The following PIEZO2 variants were observed in gnomAD, a reference collection of about 807,000 sequenced individuals.
PIEZO2 encodes the protein piezo type mechanosensitive ion channel component 2.
A neutral mutation model predicts 337.3 loss-of-function variants in PIEZO2; 172 were observed. The observed-to-expected ratio is 0.51, with a 90% CI of 0.45 to 0.58. The LOEUF (loss-of-function observed/expected upper bound fraction) is 0.58. Among genes scored for constraint, PIEZO2 ranks in the 20% least tolerant of loss-of-function variants. The pLI, the probability that PIEZO2 is intolerant of heterozygous loss-of-function variation, is 0.00. For synonymous variants in PIEZO2, 1,251 were observed against 1,228.5 expected (o/e 1.02, Z -0.38); for missense variants, 3,028 against 3,391.3 (o/e 0.89, Z 2.66).
chr18:11,136,641 G>T lies in PIEZO2; in HGVS notation c.64+11884C>A, dbSNP rs576922563. ...TATTTAGTTTGGAAACCAGTGTTTA[G>T]TTTGATGAGAGGAAGGAGAGGGGGT... On this transcript the variant is annotated intron_variant, in intron 1 of 55. Coordinates refer to ENST00000674853, the MANE Select transcript of PIEZO2 (RefSeq NM_001378183.1). Among the ~76,000 whole-genome samples the T allele has an allele frequency of 2.4e-3, 365 of 152,342 alleles. 1 individual carries two copies. Among genetic ancestry groups the T allele is most frequent in the African/African-American group, 8.5e-3 (353 of 41,572 alleles).
chr18:10,811,842 T>C (rs557176094), intron 7 of PIEZO2, among the ~76,000 whole-genome samples: 4 of 152,376 alleles, frequency 2.6e-5, no homozygotes, highest in African/African-American at 9.6e-5. Context: ...TTTTTCTTTT[T>C]TGTTTTTTTG....
chr18:10,704,225 T>C lies in PIEZO2; in HGVS notation c.6258+169A>G, dbSNP rs553000731. ...AGAATTGCGAGTGCTAGGTAACTGT[T>C]GCTGCTGACGATTTGTGTATCTAAG... On this transcript the variant is annotated intron_variant, in intron 42 of 55. Coordinates refer to ENST00000674853, the MANE Select transcript of PIEZO2 (RefSeq NM_001378183.1). 5.4e-6 allele frequency: 5 copies of C among 929,986 alleles called. No individual in the cohort carries two copies. The East Asian group carries it at 1.1e-4, about 20-fold the overall frequency. The allele number at this position is 929,986 out of a possible 1,614,324, so 57.6% of individuals were successfully genotyped here. A position where few individuals can be genotyped will look rare whatever the true frequency, so the allele number is the denominator to read the frequency against.
chr18:11,061,867 C>A (rs1568340105), intron 2 of PIEZO2, among the ~76,000 whole-genome samples: 1 of 152,196 alleles, frequency 6.6e-6, no homozygotes, highest in Non-Finnish European at 1.5e-5. Flanking sequence ...CCATCCCCAT[C>A]AAGCTACCAA....
chr18:10,726,407 G>A lies in PIEZO2; in HGVS notation c.5029+5000C>T, dbSNP rs1357297907. ...GGGGCGGTAACAACGCGCGCCAGCC[G>A]TGGCACAACGCGGAGGGCCGGCTGC... On this transcript the variant is annotated intron_variant, in intron 36 of 55. Transcript: ENST00000674853. The surrounding 1 kb of genome is among the most constrained non-coding windows in gnomAD (Gnocchi z 5.9). 3.3e-6 allele frequency: 5 copies of A among 1,528,350 alleles called. No homozygotes were observed. In the South Asian group the frequency reaches 3.6e-5, roughly 11 times the overall value. The allele number at this position is 1,528,350 out of a possible 1,614,324, so 94.7% of individuals were successfully genotyped here.
intron 3 of PIEZO2, among the ~76,000 whole-genome samples, chr18:10,925,729 G>A (rs1031737463): frequency 2.6e-5 from 4 of 152,034 alleles, no homozygotes; most frequent in Non-Finnish European, 5.9e-5. Flanking sequence ...ACAGGCGCCC[G>A]CCCTAATCTT....
At chr18:10,904,334 C>G (rs1481159380) in intron 4 of PIEZO2, among the ~76,000 whole-genome samples, 2 of 152,102 alleles carry the variant, frequency 1.3e-5, no homozygotes, top group Non-Finnish European at 2.9e-5. Flanking sequence ...CTTGCTTTTG[C>G]CTCTACTAGC....
intron 3 of PIEZO2, among the ~76,000 whole-genome samples, chr18:10,921,237 T>C (rs2031376761): frequency 6.6e-6 from 1 of 151,948 alleles, no homozygotes; most frequent in Non-Finnish European, 1.5e-5. Context: ...GAGCAGTGAG[T>C]TGTAAACTAA....
chr18:11,072,317 G>GA (rs1181673747), intron 1 of PIEZO2, among the ~76,000 whole-genome samples: 2 of 152,168 alleles, frequency 1.3e-5, no homozygotes, highest in Non-Finnish European at 2.9e-5. Flanking sequence ...AAGGTATGCA[G>GA]AATTTCTGGT....
At position 10,878,453 on chromosome 18, in the gene PIEZO2, A is replaced by AG. The variant is rs1432383389; in HGVS notation, c.330-7039dup. Among the ~76,000 whole-genome samples, 1 of 152,240 alleles carries AG rather than the reference A, an allele frequency of 6.6e-6. No individual in the cohort carries two copies. Among genetic ancestry groups the AG allele is most frequent in the Admixed American group, 6.5e-5 (1 of 15,284 alleles). On this transcript the variant is annotated intron_variant, in intron 4 of 55. Coordinates refer to ENST00000674853, the MANE Select transcript of PIEZO2 (RefSeq NM_001378183.1). This position sits in a 1 kb window ranked among gnomAD's most constrained non-coding sequence, Gnocchi z 4.3. ...TGGTAATGGCATTGAGATCACAGAG[A>AG]GTTTACAAATAAAGTTTCAGTTATT...
intron 29 of PIEZO2, among the ~76,000 whole-genome samples, chr18:10,749,588 G>A (rs1435118876): frequency 6.6e-6 from 1 of 152,178 alleles, no homozygotes; most frequent in African/African-American, 2.4e-5. Flanking sequence ...TGGTGCAAGA[G>A]GCAGGGTGGT....
chr18:11,029,461 C>T (rs1293451644), intron 2 of PIEZO2, among the ~76,000 whole-genome samples: 1 of 152,140 alleles, frequency 6.6e-6, no homozygotes, highest in Non-Finnish European at 1.5e-5. Context: ...AGCTCCAACC[C>T]ACTTCTGCAG....
At chr18:10,930,595 C>A (rs761375572) in intron 3 of PIEZO2, among the ~76,000 whole-genome samples, 1 of 152,178 alleles carries the variant, frequency 6.6e-6, no homozygotes, top group Non-Finnish European at 1.5e-5. Flanking sequence ...AGGTCATGAT[C>A]CTTAGCCTTG....
At chr18:10,967,018 G>GTTTTTTTT (rs1281379698) in intron 3 of PIEZO2, among the ~76,000 whole-genome samples, 8 of 122,852 alleles carry the variant, frequency 6.5e-5, no homozygotes, top group Admixed American at 1.7e-4. Context: ...TCTGTTTTTT[G>GTTTTTTTT]TTTTTTTTTT....
intron 23 of PIEZO2, among the ~76,000 whole-genome samples, chr18:10,761,783 GGCTGCTTAATACATTTAAAAATCCCAGGT>G (rs1228680701): frequency 3.9e-5 from 6 of 152,088 alleles, no homozygotes; most frequent in Non-Finnish European, 8.8e-5. Context: ...AAAGAAAATG[GGCTGCTTAATACATTTAAAAATCCCAGGT>G]GCTGAGTGTA....
intron 45 of PIEZO2, among the ~76,000 whole-genome samples, chr18:10,697,095 C>T (rs978928317): frequency 6.6e-6 from 1 of 152,184 alleles, no homozygotes; most frequent in Non-Finnish European, 1.5e-5. Context: ...CTCCCCTGGC[C>T]TTTTATCTAT....
intron 4 of PIEZO2, among the ~76,000 whole-genome samples, chr18:10,875,173 C>G (rs986263159): frequency 5.3e-5 from 8 of 152,032 alleles, no homozygotes; most frequent in African/African-American, 1.9e-4. Flanking sequence ...TAAACTCTTA[C>G]CCCATTTAAA....
In PIEZO2 at chr18:11,027,317, G is replaced by T. The variant is rs554154327; in HGVS notation, c.160+38810C>A. ...GGTATAACCGGGCTCTGCTGGACCT[G>T]TGTGTGAATAAAGGAAGGACTGCGA... On this transcript the variant is annotated intron_variant, in intron 2 of 55. Coordinates refer to ENST00000674853, the MANE Select transcript of PIEZO2 (RefSeq NM_001378183.1). This position sits in a 1 kb window ranked among gnomAD's most constrained non-coding sequence, Gnocchi z 4.2. Among the ~76,000 whole-genome samples the T allele has an allele frequency of 7.9e-5, 12 of 152,174 alleles. No homozygotes were observed. In the South Asian group the frequency reaches 1.5e-3, roughly 18 times the overall value.
rs537169933 is a variant in PIEZO2 at position 11,103,775 on chromosome 18, C to T, written c.65-37553G>A. On this transcript the variant is annotated intron_variant, in intron 1 of 55. Transcript: ENST00000674853. The stretch of plus-strand genomic sequence containing the variant: ...AGCACACAGCCTTCCTTAAAAAAGA[C>T]AGATGCTGGTCGTGTGTGTGTGTGT... Among the ~76,000 whole-genome samples, 113 of 150,966 alleles carry T rather than the reference C, an allele frequency of 7.5e-4. 1 individual carries two copies. The highest frequency in any genetic ancestry group is 2.6e-3 in the African/African-American group (104 of 40,662).
chr18:10,677,770 G>A lies in PIEZO2; in HGVS notation c.8058C>T (p.Ser2686=). Residue 2686 remains serine (S), a synonymous_variant, in exon 53 of 56, where the codon AGC becomes AGT. Transcript: ENST00000674853. The surrounding 1 kb of genome is among the most constrained non-coding windows in gnomAD (Gnocchi z 4.1). ...KNIAKMIAGN[S]TESSKTPVTI... ...ACACTGGTGTTTTTGAACTTTCTGT[G>A]CTGTTGCCTGCTATCATTTTAGCGA... 6.2e-7 allele frequency: 1 copy of A among 1,610,600 alleles called. No individual in the cohort carries two copies. The highest frequency in any genetic ancestry group is 8.5e-7 in the Non-Finnish European group (1 of 1,179,242).
Sources: gnomAD v4.1 joint callset for allele counts (sites outside exome capture counted in the v4.1 genomes callset) on GRCh38, gnomAD v4.1.1 for gene constraint, Gnocchi (gnomAD v3.1) non-coding constraint, MANE v1.5 for transcripts, NCBI Gene and HGNC (gene_info 2026-07-23, HGNC 2026-07-21) for gene names.